The following SLC25A21 variants were observed in gnomAD, a reference collection of about 807,000 sequenced individuals.
SLC25A21 encodes the protein mitochondrial 2-oxodicarboxylate carrier.
A neutral mutation model predicts 43.8 loss-of-function variants in SLC25A21; 47 were observed. That is an observed-to-expected ratio of 1.07 (90% CI 0.85 to 1.37). The LOEUF (loss-of-function observed/expected upper bound fraction) is 1.37. Among genes scored for constraint, SLC25A21 ranks in the 40% most tolerant of loss-of-function variants. SLC25A21 has a pLI of 0.00. For synonymous variants in SLC25A21, 131 were observed against 121.3 expected (o/e 1.08, Z -0.52); for missense variants, 352 against 350.2 (o/e 1.00, Z -0.04).
At chr14:36,796,254 A>G (rs1227491722) in intron 3 of SLC25A21, among the ~76,000 whole-genome samples, 1 of 152,158 alleles carries the variant, frequency 6.6e-6, no homozygotes, top group Non-Finnish European at 1.5e-5. Context: ...CATCACCACC[A>G]TGAACATGAT....
intron 1 of SLC25A21, among the ~76,000 whole-genome samples, chr14:37,138,647 C>T (rs1963522496): frequency 6.6e-6 from 1 of 151,970 alleles, no homozygotes; most frequent in Non-Finnish European, 1.5e-5. Flanking sequence ...ACTCAATTTC[C>T]TATGCATTTC....
chr14:37,048,090 C>T (rs1271169570), intron 1 of SLC25A21, among the ~76,000 whole-genome samples: 1 of 152,130 alleles, frequency 6.6e-6, no homozygotes, highest in Non-Finnish European at 1.5e-5. Flanking sequence ...CAGGTCCATT[C>T]ATGAAGCTCT....
chr14:36,914,498 T>C (rs559473095), intron 1 of SLC25A21, among the ~76,000 whole-genome samples: 1 of 152,234 alleles, frequency 6.6e-6, no homozygotes, highest in South Asian at 2.1e-4. Context: ...TTTCCAAGAG[T>C]CCATAGGGTA....
In SLC25A21 at chr14:36,866,811, A is replaced by G. The variant is rs1221777823; in HGVS notation, c.119+8145T>C. Among the ~76,000 whole-genome samples, 3 of 152,344 alleles carry G rather than the reference A, an allele frequency of 2.0e-5. No homozygotes were observed. The East Asian group carries it at 5.8e-4, about 29-fold the overall frequency. ...GTGCTCTAAGTGTAAAATAGGCAAC[A>G]GATTTCAAAGACTTTGTATGAAAAA... On this transcript the variant is annotated intron_variant, in intron 2 of 9. Transcript: ENST00000331299.
At chr14:37,045,243 T>G (rs1388198392) in intron 1 of SLC25A21, among the ~76,000 whole-genome samples, 2 of 152,342 alleles carry the variant, frequency 1.3e-5, no homozygotes, top group East Asian at 3.9e-4. Flanking sequence ...CTAGAGAATA[T>G]GAAAAGTTTG....
In SLC25A21 at chr14:36,679,368, T is replaced by TTA. The variant is rs549719359; in HGVS notation, c.*1288_*1289dup. 5.0e-4 allele frequency: 489 copies of TTA among 975,234 alleles called. 1 individual carries two copies. Among genetic ancestry groups the TTA allele is most frequent in the South Asian group, 1.8e-3 (39 of 21,082 alleles). The allele number at this position is 975,234 out of a possible 1,614,324, so 60.4% of individuals were successfully genotyped here. ...TTAATAAAAAGTAATAATTACCATG[T>TTA]TATCTTTTACTTTTTATTTTCAAAA... On this transcript the variant is annotated 3_prime_UTR_variant, in exon 10 of 10. Coordinates refer to ENST00000331299, the MANE Select transcript of SLC25A21 (RefSeq NM_030631.4).
At chr14:37,014,435 C>T (rs1044385735) in intron 1 of SLC25A21, among the ~76,000 whole-genome samples, 9 of 152,210 alleles carry the variant, frequency 5.9e-5, no homozygotes, top group Non-Finnish European at 1.2e-4. Context: ...TTTGCTCATC[C>T]ATAAGAAGCA....
At chr14:36,895,269 G>A (rs1891205100) in intron 1 of SLC25A21, among the ~76,000 whole-genome samples, 1 of 152,156 alleles carries the variant, frequency 6.6e-6, no homozygotes, top group Non-Finnish European at 1.5e-5. Flanking sequence ...TTAGTCTTGG[G>A]AGGGTGTATG....
At chr14:37,042,413 C>T (rs555280805) in intron 1 of SLC25A21, among the ~76,000 whole-genome samples, 1 of 152,120 alleles carries the variant, frequency 6.6e-6, no homozygotes, top group East Asian at 1.9e-4. Flanking sequence ...TTAATTTTAC[C>T]GACTCCAAAA....
At chr14:36,834,895 C>T (rs563339810) in intron 2 of SLC25A21, among the ~76,000 whole-genome samples, 1 of 152,310 alleles carries the variant, frequency 6.6e-6, no homozygotes, top group African/African-American at 2.4e-5. Context: ...TGATCACCAA[C>T]AAATGGTAAC....
intron 1 of SLC25A21, among the ~76,000 whole-genome samples, chr14:37,000,348 T>C (rs2138723878): frequency 6.6e-6 from 1 of 152,252 alleles, no homozygotes. Flanking sequence ...CTGGCTACTG[T>C]CTCTTTACAA....
intron 1 of SLC25A21, among the ~76,000 whole-genome samples, chr14:37,149,430 C>A (rs1171982816): frequency 6.6e-6 from 1 of 151,946 alleles, no homozygotes; most frequent in African/African-American, 2.4e-5. Context: ...TTTCTTAGGG[C>A]AACTAAAAAC....
At chr14:36,985,716 C>A (rs764250680) in intron 1 of SLC25A21, among the ~76,000 whole-genome samples, 1 of 152,118 alleles carries the variant, frequency 6.6e-6, no homozygotes, top group Non-Finnish European at 1.5e-5. Context: ...TAATGGTTGT[C>A]GTAATTTTCC....
intron 2 of SLC25A21, among the ~76,000 whole-genome samples, chr14:36,866,779 T>C (rs868218049): frequency 1.3e-4 from 20 of 152,334 alleles, no homozygotes; most frequent in Admixed American, 8.5e-4. Flanking sequence ...TTAGTCAATA[T>C]TGAGATGTGC....
intron 6 of SLC25A21, among the ~76,000 whole-genome samples, chr14:36,722,236 T>TA (rs1227164227): frequency 1.3e-5 from 2 of 152,166 alleles, no homozygotes; most frequent in African/African-American, 4.8e-5. Flanking sequence ...TGAGAAATTA[T>TA]AGAGACAGTA....
chr14:36,945,463 G>A (rs774843968), intron 1 of SLC25A21, among the ~76,000 whole-genome samples: 1 of 152,106 alleles, frequency 6.6e-6, no homozygotes, highest in Non-Finnish European at 1.5e-5. Flanking sequence ...GAAGCAACCC[G>A]TGTTCATCGA....
chr14:36,764,143 G>GGAAAGAAAGAAAGAAAGAAAGAAA (rs1233360789), intron 3 of SLC25A21, among the ~76,000 whole-genome samples: 25 of 33,844 alleles, frequency 7.4e-4, no homozygotes, highest in African/African-American at 2.1e-3. Context: ...AAGGAAAGAA[G>GGAAAGAAAGAAAGAAAGAAAGAAA]GAAAGAAAGA....
chr14:37,112,323 A>G (rs1275890754), intron 1 of SLC25A21, among the ~76,000 whole-genome samples: 1 of 152,002 alleles, frequency 6.6e-6, no homozygotes, highest in Non-Finnish European at 1.5e-5. Context: ...TCTCATTGTC[A>G]ATACTCTAGT....
chr14:37,111,645 T>C (rs1033605937), intron 1 of SLC25A21, among the ~76,000 whole-genome samples: 3 of 152,208 alleles, frequency 2.0e-5, no homozygotes, highest in African/African-American at 7.2e-5. Flanking sequence ...CAGTTCACTC[T>C]CCTCTAAGGA....
Sources: gnomAD v4.1 joint callset for allele counts (sites outside exome capture counted in the v4.1 genomes callset) on GRCh38, gnomAD v4.1.1 for gene constraint, MANE v1.5 for transcripts, NCBI Gene and HGNC (gene_info 2026-07-23, HGNC 2026-07-21) for gene names.